The following DIS3L2 variants were observed in gnomAD, a reference collection of about 807,000 sequenced individuals.
DIS3L2 encodes the protein DIS3 like 3'-5' exoribonuclease 2.
DIS3L2 carries 34 observed loss-of-function variants against 97.5 expected under a neutral mutation model. That is an observed-to-expected ratio of 0.35 (90% CI 0.27 to 0.46). DIS3L2 has a LOEUF of 0.46. DIS3L2 is among the 20% of genes least tolerant of loss of function. DIS3L2 has a pLI of 1.00. For missense variants in DIS3L2, 1,038 were observed against 1,146.0 expected (o/e 0.91, Z 1.36); for synonymous variants, 435 against 445.2 (o/e 0.98, Z 0.29).
chr2:232,230,418 AC>A (rs1478604721), intron 10 of DIS3L2, among the ~76,000 whole-genome samples: 3 of 152,096 alleles, frequency 2.0e-5, no homozygotes, highest in Non-Finnish European at 4.4e-5. Context: ...TGGTTGGATT[AC>A]CCTTTCTGAG....
rs1690602211 is a variant in DIS3L2 at position 232,159,908 on chromosome 2, TATTG to T, written c.951-3544_951-3541del. Among the ~76,000 whole-genome samples, 3 of 152,356 alleles carry T rather than the reference TATTG, an allele frequency of 2.0e-5. No individual in the cohort carries two copies. In the South Asian group the frequency reaches 6.2e-4, roughly 32 times the overall value. ...TTGTTTTTTGTTTGTTAATATGTTG[TATTG>T]ATTGATGTTTCATTGTTGGACAAAT... is the stretch of plus-strand genomic sequence containing the variant. On this transcript the variant is annotated intron_variant, in intron 8 of 20. Transcript: ENST00000325385.
At chr2:231,994,216 G>A (rs1009563791) in intron 1 of DIS3L2, among the ~76,000 whole-genome samples, 1 of 151,210 alleles carries the variant, frequency 6.6e-6, no homozygotes, top group African/African-American at 2.4e-5. Flanking sequence ...GCTATTTCTG[G>A]GATCTCTCTG....
chr2:231,994,079 G>GTT (rs770565920), intron 1 of DIS3L2, among the ~76,000 whole-genome samples: 8 of 123,388 alleles, frequency 6.5e-5, no homozygotes, highest in Non-Finnish European at 1.1e-4. Context: ...TTTTTTGTTG[G>GTT]TTTTTTTTTT....
Position 232,238,536 on chromosome 2 carries a change from A to C in DIS3L2, c.1208A>C (p.Asn403Thr), listed in dbSNP as rs761671385. 1.2e-6 allele frequency: 2 copies of C among 1,613,838 alleles called. No homozygotes were observed. The highest frequency in any genetic ancestry group is 8.5e-7 in the Non-Finnish European group (1 of 1,179,950). The part of the protein sequence containing the change: ...ALSCKPLADG[N>T]FKVGVHIADV... ...AGTCCTTCTCGTGCATTTACAGGCA[A>C]CTTCAAAGTGGGAGTTCACATTGCT... is the stretch of plus-strand genomic sequence containing the variant. Residue 403 changes from asparagine to threonine, a missense_variant, in exon 11 of 21, where the codon AAC becomes ACC. Asn to Thr is a moderately conservative substitution (Grantham distance 65, BLOSUM62 0). Transcript: ENST00000325385.
chr2:232,343,495 C>T lies in DIS3L2; in HGVS notation c.1732C>T (p.Gln578Ter). The T allele has an allele frequency of 1.3e-6, 2 of 1,556,694 alleles. No homozygotes were observed. The highest frequency in any genetic ancestry group is 1.7e-6 in the Non-Finnish European group (2 of 1,150,014). Residue 578 changes from glutamine to a stop codon, truncating the protein, a stop_gained, in exon 14 of 14, where the codon CAG (glutamine) becomes TAG (stop). Coordinates refer to the DIS3L2 transcript ENST00000273009. LOFTEE classifies it high-confidence loss of function. ...TCCAGACACACGACTGTTTTTCCTT[C>T]AGCAACAGAGCCGTGTATTGGAAGC... is the stretch of plus-strand genomic sequence containing the variant.
chr2:232,149,986 A>G, intron 8 of DIS3L2, among the ~76,000 whole-genome samples: 1 of 832 alleles, frequency 1.2e-3, no homozygotes, highest in East Asian at 0.013. Context: ...TTGGCTGCAT[A>G]AATGTCTTCT....
intron 5 of DIS3L2, among the ~76,000 whole-genome samples, chr2:232,052,481 T>A (rs1695437702): frequency 6.6e-6 from 1 of 152,206 alleles, no homozygotes; most frequent in African/African-American, 2.4e-5. Context: ...AGGTTTTTAT[T>A]ACCAATTACA....
chr2:232,160,406 C>T (rs750005144), intron 8 of DIS3L2, among the ~76,000 whole-genome samples: 5 of 152,090 alleles, frequency 3.3e-5, no homozygotes, highest in Non-Finnish European at 7.4e-5. Context: ...CCATTTCATC[C>T]AAGATGTTGA....
intron 1 of DIS3L2, among the ~76,000 whole-genome samples, chr2:231,989,549 A>T (rs1401235471): frequency 2.0e-5 from 3 of 152,168 alleles, no homozygotes; most frequent in African/African-American, 7.2e-5. Context: ...AAGAAAAGGG[A>T]CAGGGGACTG....
chr2:231,974,328 C>G (rs1159965299), intron 1 of DIS3L2, among the ~76,000 whole-genome samples: 1 of 152,158 alleles, frequency 6.6e-6, no homozygotes, highest in East Asian at 1.9e-4. Context: ...ACATGGGTCC[C>G]TGGCAGCAGA....
At chr2:232,247,110 CACTA>C (rs1210695640) in intron 11 of DIS3L2, among the ~76,000 whole-genome samples, 3 of 152,228 alleles carry the variant, frequency 2.0e-5, no homozygotes, top group Non-Finnish European at 2.9e-5. Flanking sequence ...TTAGAAGACA[CACTA>C]ACTATCTGTA....
chr2:232,222,634 C>T (rs1167514494), intron 10 of DIS3L2, among the ~76,000 whole-genome samples: 2 of 152,146 alleles, frequency 1.3e-5, no homozygotes, highest in Admixed American at 6.5e-5. Flanking sequence ...CCACATCCAG[C>T]TAATTTTTGT....
chr2:232,225,073 G>C (rs1242283415), intron 10 of DIS3L2, among the ~76,000 whole-genome samples: 1 of 152,098 alleles, frequency 6.6e-6, no homozygotes, highest in Non-Finnish European at 1.5e-5. Flanking sequence ...CACCACAATA[G>C]CTAAAAGTTT....
At chr2:232,183,819 C>G (rs1353496757) in intron 9 of DIS3L2, among the ~76,000 whole-genome samples, 2 of 152,064 alleles carry the variant, frequency 1.3e-5, no homozygotes, top group Non-Finnish European at 2.9e-5. Context: ...TTAAGCAAAC[C>G]CGGTAAATGG....
At chr2:232,282,774 C>T (rs914336662) in intron 13 of DIS3L2, among the ~76,000 whole-genome samples, 9 of 152,310 alleles carry the variant, frequency 5.9e-5, no homozygotes, top group Admixed American at 5.2e-4. Context: ...TGCACAAACC[C>T]GGCTGTTCTG....
chr2:232,221,835 AT>A (rs1692516644), intron 10 of DIS3L2, among the ~76,000 whole-genome samples: 1 of 151,918 alleles, frequency 6.6e-6, no homozygotes, highest in Non-Finnish European at 1.5e-5. Flanking sequence ...CTTCAGGGCA[AT>A]TTTCTGCTTG....
intron 5 of DIS3L2, among the ~76,000 whole-genome samples, chr2:232,049,106 CT>C (rs1484716714): frequency 2.6e-5 from 4 of 152,066 alleles, no homozygotes; most frequent in African/African-American, 9.7e-5. Flanking sequence ...CTTTTAATGA[CT>C]ACATAATATT....
intron 7 of DIS3L2, among the ~76,000 whole-genome samples, chr2:232,135,775 G>A (rs1698337790): frequency 6.6e-6 from 1 of 152,100 alleles, no homozygotes; most frequent in Admixed American, 6.5e-5. Context: ...CTTTGTTCAG[G>A]GGTCTGGTGG....
At chr2:232,322,974 C>G (rs1442907536) in intron 14 of DIS3L2, among the ~76,000 whole-genome samples, 1 of 152,200 alleles carries the variant, frequency 6.6e-6, no homozygotes, top group East Asian at 1.9e-4. Context: ...GAAAGGGACC[C>G]CTGGCCAGGA....
Sources: allele counts gnomAD v4.1 joint callset (sites outside exome capture counted in the v4.1 genomes callset), GRCh38; gene constraint gnomAD v4.1.1; transcripts MANE v1.5; gene names NCBI Gene and HGNC (gene_info 2026-07-23, HGNC 2026-07-21).